Variants in CCBE1 observed in about 807,000 individuals in gnomAD.
The protein encoded by CCBE1 is collagen and calcium-binding EGF domain-containing protein 1.
In CCBE1, 37 loss-of-function variants were observed where a neutral mutation model predicts 50.0. The ratio of observed to expected loss-of-function variants is 0.74; its 90% CI spans 0.57 to 0.97. CCBE1 has a LOEUF of 0.97. CCBE1 is among the 50% of genes least tolerant of loss of function. The pLI is 0.00. For missense variants in CCBE1, 538 were observed against 523.8 expected (o/e 1.03, Z -0.26); for synonymous variants, 234 against 203.7 (o/e 1.15, Z -1.27).
At chr18:59,521,261 C>T (rs944547885) in intron 2 of CCBE1, among the ~76,000 whole-genome samples, 1 of 152,168 alleles carries the variant, frequency 6.6e-6, no homozygotes, top group East Asian at 1.9e-4. Flanking sequence ...AACTCTGACA[C>T]GGAGATTTAT....
In CCBE1 at chr18:59,630,694, A is replaced by C. The variant is rs1036285394; in HGVS notation, c.212+65935T>G. Among the ~76,000 whole-genome samples the C allele has an allele frequency of 2.6e-5, 4 of 152,182 alleles. 1 individual carries two copies. In the South Asian group the frequency reaches 8.3e-4, roughly 32 times the overall value. On this transcript the variant is annotated intron_variant, in intron 2 of 10. Coordinates refer to ENST00000439986, the MANE Select transcript of CCBE1 (RefSeq NM_133459.4). ...TGATGGTCTCAGGTTGAACCTCCTA[A>C]GTGGTGGATCTAGGCTCTAAGATTA...
intron 2 of CCBE1, among the ~76,000 whole-genome samples, chr18:59,599,910 A>G (rs2053408066): frequency 6.6e-6 from 1 of 152,186 alleles, no homozygotes; most frequent in African/African-American, 2.4e-5. Flanking sequence ...ATGGTTTAAA[A>G]AAAGACATTG....
At chr18:59,533,886 A>T (rs1915143380) in intron 2 of CCBE1, among the ~76,000 whole-genome samples, 1 of 152,228 alleles carries the variant, frequency 6.6e-6, no homozygotes, top group African/African-American at 2.4e-5. Flanking sequence ...GTGAAAACAC[A>T]TTTATCCGTT....
At chr18:59,485,265 T>A (rs533192815) in intron 2 of CCBE1, among the ~76,000 whole-genome samples, 229 of 152,098 alleles carry the variant, frequency 1.5e-3, no homozygotes, top group Non-Finnish European at 2.5e-3. Flanking sequence ...GTAAAAAAAA[T>A]AAATAAATAA....
chr18:59,661,946 A>C lies in CCBE1; in HGVS notation c.212+34683T>G, dbSNP rs58214513. Among the ~76,000 whole-genome samples the C allele has an allele frequency of 7.6e-3, 1,131 of 148,614 alleles. 5 individuals are homozygous for C. The highest frequency in any genetic ancestry group is 0.028 in the African/African-American group (1,094 of 39,398). ...GGCACCACTGTACTCTAGCCAGGGC[A>C]ACAGAGTGAGACTCAGTCTTAAAAA... is the stretch of plus-strand genomic sequence containing the variant. On this transcript the variant is annotated intron_variant, in intron 2 of 10. Coordinates refer to ENST00000439986, the MANE Select transcript of CCBE1 (RefSeq NM_133459.4).
intron 2 of CCBE1, among the ~76,000 whole-genome samples, chr18:59,681,549 C>T (rs575018415): frequency 2.0e-5 from 3 of 152,148 alleles, no homozygotes; most frequent in Non-Finnish European, 4.4e-5. Flanking sequence ...GATACTTCAC[C>T]CTGTGTTCTG....
At chr18:59,617,953 C>T (rs562884666) in intron 2 of CCBE1, among the ~76,000 whole-genome samples, 9 of 152,232 alleles carry the variant, frequency 5.9e-5, no homozygotes, top group Admixed American at 1.3e-4. Context: ...ATTGACAGCT[C>T]GTGCCACTCG....
chr18:59,478,365 T>C (rs1301469615), intron 3 of CCBE1, among the ~76,000 whole-genome samples: 5 of 152,228 alleles, frequency 3.3e-5, no homozygotes, highest in Non-Finnish European at 7.3e-5. Context: ...ATTTGTACTT[T>C]GCATTCTTTG....
At chr18:59,477,867 G>C (rs867690248) in intron 3 of CCBE1, among the ~76,000 whole-genome samples, 1 of 152,180 alleles carries the variant, frequency 6.6e-6, no homozygotes, top group Non-Finnish European at 1.5e-5. Context: ...TGGGTGCCAA[G>C]TTGACAAGGC....
At chr18:59,546,655 C>A (rs182592128) in intron 2 of CCBE1, among the ~76,000 whole-genome samples, 3 of 152,168 alleles carry the variant, frequency 2.0e-5, no homozygotes, top group African/African-American at 7.2e-5. Context: ...TTTGTAGAAA[C>A]CTGTTATAGT....
intron 2 of CCBE1, among the ~76,000 whole-genome samples, chr18:59,493,112 C>T (rs1460692028): frequency 6.6e-6 from 1 of 152,204 alleles, no homozygotes; most frequent in South Asian, 2.1e-4. Flanking sequence ...GTCTGCAGGT[C>T]AGTCACTTGA....
chr18:59,606,360 C>A (rs2053499078), intron 2 of CCBE1, among the ~76,000 whole-genome samples: 1 of 152,292 alleles, frequency 6.6e-6, no homozygotes, highest in Non-Finnish European at 1.5e-5. Flanking sequence ...CATGGCAAAC[C>A]GCAAAGCACA....
At chr18:59,558,332 T>C (rs2052683573) in intron 2 of CCBE1, among the ~76,000 whole-genome samples, 1 of 152,190 alleles carries the variant, frequency 6.6e-6, no homozygotes, top group Non-Finnish European at 1.5e-5. Flanking sequence ...CTGCACAAAA[T>C]GGTGAAAGTC....
At chr18:59,538,229 T>G (rs1455871931) in intron 2 of CCBE1, among the ~76,000 whole-genome samples, 1 of 152,204 alleles carries the variant, frequency 6.6e-6, no homozygotes, top group Non-Finnish European at 1.5e-5. Context: ...CCATAGTAAA[T>G]TCCCAATGTA....
rs1463262130 is a variant in CCBE1 at position 59,680,992 on chromosome 18, T to C, written c.212+15637A>G. ...GATGTTAATAAATACAAAAACCTGA[T>C]AATTATCTGGGTTATTCAAGAGAAG... On this transcript the variant is annotated intron_variant, in intron 2 of 10. Coordinates refer to ENST00000439986, the MANE Select transcript of CCBE1 (RefSeq NM_133459.4). Among the ~76,000 whole-genome samples the C allele has an allele frequency of 2.7e-5, 4 of 147,492 alleles. No individual in the cohort carries two copies. The South Asian group carries it at 6.4e-4, about 24-fold the overall frequency.
intron 2 of CCBE1, among the ~76,000 whole-genome samples, chr18:59,679,316 C>T (rs1439010802): frequency 6.6e-6 from 1 of 152,106 alleles, no homozygotes; most frequent in Non-Finnish European, 1.5e-5. Context: ...GAAATTACTC[C>T]ACAAAACAAA....
At chr18:59,470,785 T>C (rs1057382479) in intron 3 of CCBE1, among the ~76,000 whole-genome samples, 3 of 152,164 alleles carry the variant, frequency 2.0e-5, no homozygotes, top group Admixed American at 1.3e-4. Context: ...ACAGATAAAC[T>C]ATACTTGGAC....
intron 2 of CCBE1, among the ~76,000 whole-genome samples, chr18:59,599,974 A>G (rs545075724): frequency 2.6e-4 from 39 of 152,318 alleles, no homozygotes; most frequent in African/African-American, 8.9e-4. Context: ...AACTCACCCT[A>G]ATCCCACAGA....
intron 2 of CCBE1, among the ~76,000 whole-genome samples, chr18:59,669,462 T>C (rs993273739): frequency 1.9e-4 from 29 of 152,218 alleles, no homozygotes; most frequent in Admixed American, 2.6e-4. Flanking sequence ...ACCACAGCAC[T>C]GGAAGGTGAG....
Sources: gnomAD v4.1 joint callset for allele counts (sites outside exome capture counted in the v4.1 genomes callset) on GRCh38, gnomAD v4.1.1 for gene constraint, MANE v1.5 for transcripts, NCBI Gene and HGNC (gene_info 2026-07-23, HGNC 2026-07-21) for gene names.